SAP25: variants seen among roughly 807,000 people sequenced by gnomAD.
The protein encoded by SAP25 is histone deacetylase complex subunit SAP25.
A neutral mutation model predicts 31.5 loss-of-function variants in SAP25; 24 were observed. The ratio of observed to expected loss-of-function variants is 0.76; its 90% CI spans 0.55 to 1.07. The LOEUF is 1.07. Among genes scored for constraint, SAP25 ranks in the 50% least tolerant of loss-of-function variants. The pLI is 0.00. For synonymous variants in SAP25, 180 were observed against 186.0 expected (o/e 0.97, Z 0.26); for missense variants, 377 against 418.8 (o/e 0.90, Z 0.87).
intron 1 of SAP25, 87 bp from the exon 2 acceptor site, chr7:100,573,487 G>A (rs1347323734): frequency 4.1e-5 from 50 of 1,214,216 alleles, no homozygotes; most frequent in Non-Finnish European, 5.0e-5. Context: ...AAGGGAGACC[G>A]AGGGACCCAA....
At position 100,572,486 on chromosome 7, in the gene SAP25, G is replaced by A. The variant is rs1243822818; in HGVS notation, c.695C>T (p.Ser232Phe). ...LPRPSPSRGPSTAWLSGPELI... is the reference protein window; with the variant it reads ...LPRPSPSRGPFTAWLSGPELI... ...CTCCGGCCCGCTGAGCCAGGCAGTG[G>A]AGGGGCCCCGGGAGGGTGATGGGCG... is the stretch of plus-strand genomic sequence containing the variant. The change falls in exon 6 of 6, where the codon TCC becomes TTC. Residue 232 changes from serine to phenylalanine, a missense_variant. By Grantham distance (155) the Ser-to-Phe change is radical (BLOSUM62 -2). Coordinates refer to ENST00000622764, the MANE Select transcript of SAP25 (RefSeq NM_001348680.2). The surrounding 1 kb of genome is among the most constrained non-coding windows in gnomAD (Gnocchi z 4.1). 9.1e-6 allele frequency: 13 copies of A among 1,430,784 alleles called. No individual in the cohort carries two copies. The highest frequency in any genetic ancestry group is 1.2e-5 in the Non-Finnish European group (13 of 1,095,332). The allele number at this position is 1,430,784 out of a possible 1,614,324, so 88.6% of individuals were successfully genotyped here.
Position 100,572,351 on chromosome 7 carries a change from C to T in SAP25, c.830G>A (p.Ser277Asn). The change falls in exon 6 of 6, where the codon AGC (serine) becomes AAC (asparagine). Residue 277 changes from serine (S) to asparagine (N), a missense_variant. Ser to Asn is a conservative substitution (Grantham distance 46). Coordinates refer to ENST00000622764, the MANE Select transcript of SAP25 (RefSeq NM_001348680.2). This position sits in a 1 kb window ranked among gnomAD's most constrained non-coding sequence, Gnocchi z 4.1. ...GTCAGCACCCTGAGAACTGCTGGGG[C>T]TACCACAGGGGCTGGGTGGGTCAGA... ...HTSDPPSPCG[S>N]PSSSQGADLS... 7.3e-7 allele frequency: 1 copy of T among 1,371,316 alleles called. No homozygotes were observed. The highest frequency in any genetic ancestry group is 9.4e-7 in the Non-Finnish European group (1 of 1,065,346). The allele number at this position is 1,371,316 out of a possible 1,614,324, so 84.9% of individuals were successfully genotyped here.
At position 100,572,804 on chromosome 7, in the gene SAP25, C is replaced by T; in HGVS notation, c.512-53G>A. The T allele has an allele frequency of 6.6e-7, 1 of 1,507,260 alleles. No individual in the cohort carries two copies. The highest frequency in any genetic ancestry group is 8.8e-7 in the Non-Finnish European group (1 of 1,134,600). 93.4% of individuals were successfully genotyped at this position (1,507,260 alleles called of 1,614,324 possible). On this transcript the variant is annotated intron_variant, in intron 4 of 5. Transcript: ENST00000622764. This position sits in a 1 kb window ranked among gnomAD's most constrained non-coding sequence, Gnocchi z 4.1. ...GGCTGCGGGCTCCCACCCCTGGGCA[C>T]TGGTTCCCAGAGGAGTTGGGGCAGC...
Position 100,572,544 on chromosome 7 carries a change from G to A in SAP25, c.637C>T (p.Pro213Ser), listed in dbSNP as rs2131138136. 2 of 1,439,886 alleles carry A rather than the reference G, an allele frequency of 1.4e-6. No individual in the cohort carries two copies. Among genetic ancestry groups the A allele is most frequent in the Middle Eastern group, 1.8e-4 (1 of 5,522 alleles). 89.2% of individuals were successfully genotyped at this position (1,439,886 alleles called of 1,614,324 possible). A position where few individuals can be genotyped will look rare whatever the true frequency, so the allele number is the denominator to read the frequency against. The change falls in exon 6 of 6, where the codon CCG becomes TCG. Residue 213 changes from proline to serine, a missense_variant. Pro to Ser is a moderately conservative substitution (Grantham distance 74, BLOSUM62 -1). Transcript: ENST00000622764. This position sits in a 1 kb window ranked among gnomAD's most constrained non-coding sequence, Gnocchi z 4.1. ...ACCCTGGCAGACATGATGGGGGGCGGCGGCAGCAGTTTCAGGGAGCCCATC... is the reference window on the plus strand; with the variant it reads ...ACCCTGGCAGACATGATGGGGGGCGACGGCAGCAGTTTCAGGGAGCCCATC... ...QMMGSLKLLP[P>S]PPIMSARVLP...
chr7:100,572,710 G>A lies in SAP25; in HGVS notation c.553C>T (p.Pro185Ser). The A allele has an allele frequency of 5.2e-6, 8 of 1,536,104 alleles. No homozygotes were observed. Among genetic ancestry groups the A allele is most frequent in the Non-Finnish European group, 7.0e-6 (8 of 1,146,554 alleles). ...VCCEDVFLSD[P>S]LLPRGQRVPL... ...ACACGCTGCCCCCGGGGCAGCAGAG[G>A]GTCCGAGAGGAAGACATCTTCACAG... The change falls in exon 5 of 6, where the codon CCT becomes TCT. Residue 185 changes from proline to serine, a missense_variant. Physicochemically the swap from Pro to Ser is moderately conservative, Grantham distance 74 (BLOSUM62 -1). Coordinates refer to ENST00000622764, the MANE Select transcript of SAP25 (RefSeq NM_001348680.2). The surrounding 1 kb of genome is among the most constrained non-coding windows in gnomAD (Gnocchi z 4.1).
Position 100,573,031 on chromosome 7 carries a change from G to C in SAP25, c.358-18C>G, listed in dbSNP as rs1421211312. The C allele has an allele frequency of 3.3e-6, 5 of 1,493,584 alleles. No individual in the cohort carries two copies. Among genetic ancestry groups the C allele is most frequent in the Non-Finnish European group, 4.4e-6 (5 of 1,123,824 alleles). The allele number at this position is 1,493,584 out of a possible 1,614,324, so 92.5% of individuals were successfully genotyped here. On this transcript the variant is annotated intron_variant, in intron 3 of 5. Transcript: ENST00000622764. ...TTGGCCCCCTAGGGTGAGGAGGACAGAGCACTGGAGCCTCAGGCCACCGCA... is the reference window on the plus strand; with the variant it reads ...TTGGCCCCCTAGGGTGAGGAGGACACAGCACTGGAGCCTCAGGCCACCGCA...
chr7:100,572,526 C>T lies in SAP25; in HGVS notation c.655G>A (p.Ala219Thr). The T allele has an allele frequency of 6.9e-6, 10 of 1,439,078 alleles. No homozygotes were observed. The highest frequency in any genetic ancestry group is 9.1e-6 in the Non-Finnish European group (10 of 1,099,896). 89.1% of individuals were successfully genotyped at this position (1,439,078 alleles called of 1,614,324 possible). The change falls in exon 6 of 6, where the codon GCC (alanine) becomes ACC (threonine). Residue 219 changes from alanine to threonine, a missense_variant. By Grantham distance (58) the Ala-to-Thr change is moderately conservative. Transcript: ENST00000622764. This position sits in a 1 kb window ranked among gnomAD's most constrained non-coding sequence, Gnocchi z 4.1. The part of the protein sequence containing the change: ...KLLPPPPIMS[A>T]RVLPRPSPSR... Reference sequence around the variant, plus strand: ...GGTGATGGGCGGGGGAGCACCCTGGCAGACATGATGGGGGGCGGCGGCAGC... The same window carrying T: ...GGTGATGGGCGGGGGAGCACCCTGGTAGACATGATGGGGGGCGGCGGCAGC...
chr7:100,573,664 C>G lies in SAP25; in HGVS notation c.79G>C (p.Asp27His). 2.4e-6 allele frequency: 3 copies of G among 1,230,794 alleles called. No homozygotes were observed. The highest frequency in any genetic ancestry group is 3.0e-6 in the Non-Finnish European group (3 of 987,344). 76.2% of individuals were successfully genotyped at this position (1,230,794 alleles called of 1,614,324 possible). A position where few individuals can be genotyped will look rare whatever the true frequency, so the allele number is the denominator to read the frequency against. Residue 27 changes from aspartate (D) to histidine (H), a missense_variant, in exon 1 of 6, where the codon GAC (aspartate) becomes CAC (histidine). Physicochemically the swap from Asp to His is moderately conservative, Grantham distance 81. Coordinates refer to ENST00000622764, the MANE Select transcript of SAP25 (RefSeq NM_001348680.2). The part of the protein sequence containing the change: ...PEGPGLPAGK[D>H]QGEPWSAGAD... ...CCGGCGCTCCAGGGCTCGCCCTGGT[C>G]CTTGCCCGCCGGAAGGCCTGGTCCC...
chr7:100,573,240 G>T, intron 2 of SAP25, 28 bp from the exon 3 acceptor site: 1 of 1,446,432 alleles, frequency 6.9e-7, no homozygotes, highest in Non-Finnish European at 9.2e-7. Context: ...GATTATAACA[G>T]GCTCACAGTC....
In SAP25 at chr7:100,573,116, C is replaced by T. The variant is rs1362089740; in HGVS notation, c.347G>A (p.Arg116Gln). The T allele has an allele frequency of 8.5e-6, 13 of 1,535,820 alleles. No homozygotes were observed. In the Admixed American group the frequency reaches 1.2e-4, roughly 14 times the overall value. ...DPKYEAKAGP[R>Q]PVWGANCSSG... ...TTGCCCCCAACTCACCCACACCGGCCGAGGTCCTGCTTTGGCTTCATACTT... is the reference window on the plus strand; with the variant it reads ...TTGCCCCCAACTCACCCACACCGGCTGAGGTCCTGCTTTGGCTTCATACTT... The change falls in exon 3 of 6, where the codon CGG becomes CAG. Residue 116 changes from arginine (R) to glutamine (Q), a missense_variant. By Grantham distance (43) the Arg-to-Gln change is conservative. Coordinates refer to ENST00000622764, the MANE Select transcript of SAP25 (RefSeq NM_001348680.2).
intron 1 of SAP25, 47 bp downstream of exon 1, chr7:100,573,550 G>A: frequency 8.1e-7 from 1 of 1,232,778 alleles, no homozygotes; most frequent in Non-Finnish European, 1.0e-6. Flanking sequence ...TGAAGGCATG[G>A]AGGCCCCCAG....
At position 100,573,206 on chromosome 7, in the gene SAP25, C is replaced by A; in HGVS notation, c.257G>T (p.Arg86Leu). Residue 86 changes from arginine to leucine, a missense_variant, in exon 3 of 6, where the codon CGT (arginine) becomes CTT (leucine). Arg to Leu is a moderately radical substitution (Grantham distance 102, BLOSUM62 -2). Transcript: ENST00000622764. ...CACCTCCCAGGCCACCTGGGGGGAA[C>A]GGGGATCTGGGGGGACGCTTGGGGA... ...TEQPPGAPDPRSPQVAWEVAP... is the reference protein window; with the variant it reads ...TEQPPGAPDPLSPQVAWEVAP... The A allele has an allele frequency of 6.6e-7, 1 of 1,506,908 alleles. No individual in the cohort carries two copies. The highest frequency in any genetic ancestry group is 8.9e-7 in the Non-Finnish European group (1 of 1,126,058). The allele number at this position is 1,506,908 out of a possible 1,614,324, so 93.3% of individuals were successfully genotyped here.
In SAP25 at chr7:100,573,830, G is replaced by C; in HGVS notation, c.-88C>G. 2 of 1,093,990 alleles carry C rather than the reference G, an allele frequency of 1.8e-6. No homozygotes were observed. Among genetic ancestry groups the C allele is most frequent in the Non-Finnish European group, 2.3e-6 (2 of 887,998 alleles). 67.8% of individuals were successfully genotyped at this position (1,093,990 alleles called of 1,614,324 possible). On this transcript the variant is annotated 5_prime_UTR_variant, in exon 1 of 6. Transcript: ENST00000622764. The stretch of plus-strand genomic sequence containing the variant: ...CCTCCCTCCGCGGCGCGGCGCGAAC[G>C]TGCCCTCCTGGCGAACCCACCCCAG...
chr7:100,572,282 G>A lies in SAP25; in HGVS notation c.*5C>T. On this transcript the variant is annotated 3_prime_UTR_variant, in exon 6 of 6. Coordinates refer to ENST00000622764, the MANE Select transcript of SAP25 (RefSeq NM_001348680.2). The surrounding 1 kb of genome is among the most constrained non-coding windows in gnomAD (Gnocchi z 4.1). ...ACACAACCAGCCCACTCTGCCCTGA[G>A]AAGGCTATGGACAATGGGTGTCTGG... 2 of 1,287,160 alleles carry A rather than the reference G, an allele frequency of 1.6e-6. No individual in the cohort carries two copies. The highest frequency in any genetic ancestry group is 2.0e-6 in the Non-Finnish European group (2 of 1,018,806). 79.7% of individuals were successfully genotyped at this position (1,287,160 alleles called of 1,614,324 possible). A position where few individuals can be genotyped will look rare whatever the true frequency, so the allele number is the denominator to read the frequency against.
rs575400337 is a variant in SAP25 at position 100,572,834 on chromosome 7, C to T, written c.511+26G>A. Reference sequence around the variant, plus strand: ...TCCCAGAGGAGTTGGGGCAGCCTTGCGCCCCCGGGGGACCAAGGGAGGTAC... The same window carrying T: ...TCCCAGAGGAGTTGGGGCAGCCTTGTGCCCCCGGGGGACCAAGGGAGGTAC... On this transcript the variant is annotated intron_variant, in intron 4 of 5. Coordinates refer to ENST00000622764, the MANE Select transcript of SAP25 (RefSeq NM_001348680.2). This position sits in a 1 kb window ranked among gnomAD's most constrained non-coding sequence, Gnocchi z 4.1. 103 of 1,480,174 alleles carry T rather than the reference C, an allele frequency of 7.0e-5. No homozygotes were observed. The highest frequency in any genetic ancestry group is 8.7e-5 in the Non-Finnish European group (98 of 1,120,760). The allele number at this position is 1,480,174 out of a possible 1,614,324, so 91.7% of individuals were successfully genotyped here.
At position 100,573,306 on chromosome 7, in the gene SAP25, C is replaced by CG. The variant is rs1265819083; in HGVS notation, c.240dup (p.Gly81ArgfsTer30). ...GCAGGGCCTGTCCTACCTGGGGCTCCGGGGGGCTGCTCAGTGGCCGGGCCT... is the reference window on the plus strand; with the variant it reads ...GCAGGGCCTGTCCTACCTGGGGCTCCGGGGGGGCTGCTCAGTGGCCGGGCCT... On this transcript the variant is annotated frameshift_variant, in exon 2 of 6. Coordinates refer to ENST00000622764, the MANE Select transcript of SAP25 (RefSeq NM_001348680.2). LOFTEE classifies it high-confidence loss of function. 5 of 1,371,730 alleles carry CG rather than the reference C, an allele frequency of 3.6e-6. No homozygotes were observed. The highest frequency in any genetic ancestry group is 3.0e-5 in the Admixed American group (1 of 33,282). The allele number at this position is 1,371,730 out of a possible 1,614,324, so 85.0% of individuals were successfully genotyped here.
Position 100,573,197 on chromosome 7 carries a change from TG to T in SAP25, c.265del (p.Gln89ArgfsTer11). ...PPGAPDPRSP[Q>X]VAWEVAPSRM... ...CGAGGGGGCCACCTCCCAGGCCACCTGGGGGGAACGGGGATCTGGGGGGACG... is the reference window on the plus strand; with the variant it reads ...CGAGGGGGCCACCTCCCAGGCCACCTGGGGGAACGGGGATCTGGGGGGACG... On this transcript the variant is annotated frameshift_variant, in exon 3 of 6. Transcript: ENST00000622764. LOFTEE classifies it high-confidence loss of function. The T allele has an allele frequency of 2.0e-6, 3 of 1,520,962 alleles. No individual in the cohort carries two copies. Among genetic ancestry groups the T allele is most frequent in the Admixed American group, 2.0e-5 (1 of 49,234 alleles). The allele number at this position is 1,520,962 out of a possible 1,614,324, so 94.2% of individuals were successfully genotyped here. A position where few individuals can be genotyped will look rare whatever the true frequency, so the allele number is the denominator to read the frequency against.
chr7:100,573,244 C>T, intron 2 of SAP25, 32 bp from the exon 3 acceptor site: 2 of 1,453,396 alleles, frequency 1.4e-6, no homozygotes, highest in South Asian at 1.3e-5. Context: ...ATAACAGGCT[C>T]ACAGTCAGTG....
At position 100,572,927 on chromosome 7, in the gene SAP25, G is replaced by A. The variant is rs1293503983; in HGVS notation, c.444C>T (p.Gly148=). Residue 148 remains glycine (G), a synonymous_variant, in exon 4 of 6, where the codon GGC becomes GGT. Transcript: ENST00000622764. This position sits in a 1 kb window ranked among gnomAD's most constrained non-coding sequence, Gnocchi z 4.1. ...SFWPLYEAAS[G]RGLRPVAPAT... ...CAGGGGCCACGGGCCTGAGACCCCTGCCCGAGGCTGCTTCATACAGCGGCC... is the reference window on the plus strand; with the variant it reads ...CAGGGGCCACGGGCCTGAGACCCCTACCCGAGGCTGCTTCATACAGCGGCC... 3 of 1,494,952 alleles carry A rather than the reference G, an allele frequency of 2.0e-6. No homozygotes were observed. Among genetic ancestry groups the A allele is most frequent in the South Asian group, 2.5e-5 (2 of 78,826 alleles). 92.6% of individuals were successfully genotyped at this position (1,494,952 alleles called of 1,614,324 possible).
Sources: allele counts gnomAD v4.1 joint callset, GRCh38; gene constraint gnomAD v4.1.1; non-coding constraint Gnocchi (gnomAD v3.1); transcripts MANE v1.5; gene names NCBI Gene and HGNC (gene_info 2026-07-23, HGNC 2026-07-21).